Variants in BNC2 observed in about 807,000 individuals in gnomAD.
BNC2 encodes zinc finger protein basonuclin-2.
In BNC2, 20 loss-of-function variants were observed where a neutral mutation model predicts 76.3. The observed-to-expected ratio is 0.26, with a 90% CI of 0.18 to 0.38. BNC2 has a LOEUF of 0.38. Ranked by LOEUF, BNC2 falls within the 10% of genes least tolerant of loss-of-function variation. The pLI is 1.00. For missense variants in BNC2, 1,382 were observed against 1,399.8 expected (o/e 0.99, Z 0.20); for synonymous variants, 582 against 514.8 (o/e 1.13, Z -1.77).
chr9:16,648,216 T>C (rs1292270806), intron 3 of BNC2, among the ~76,000 whole-genome samples: 1 of 152,214 alleles, frequency 6.6e-6, no homozygotes, highest in East Asian at 1.9e-4. Context: ...GCAGATGCTA[T>C]GAAAAACGAA....
chr9:16,542,817 T>C (rs1157091946), intron 5 of BNC2, among the ~76,000 whole-genome samples: 1 of 152,214 alleles, frequency 6.6e-6, no homozygotes. Context: ...CCCATCTGTA[T>C]GAATTTAGCA....
intron 3 of BNC2, among the ~76,000 whole-genome samples, chr9:16,651,300 A>C (rs1821788030): frequency 6.6e-6 from 1 of 152,238 alleles, no homozygotes; most frequent in Non-Finnish European, 1.5e-5. Context: ...TCAGTAAAAG[A>C]AAAACAAGTA....
intron 6 of BNC2, among the ~76,000 whole-genome samples, chr9:16,420,375 G>A (rs895508248): frequency 6.6e-6 from 1 of 152,034 alleles, no homozygotes; most frequent in Non-Finnish European, 1.5e-5. Flanking sequence ...AGAAGTATGT[G>A]CATTTTAGTG....
In BNC2 at chr9:16,437,445, C is replaced by T. The variant is rs1490299295; in HGVS notation, c.749G>A (p.Arg250Gln). 6 of 1,612,806 alleles carry T rather than the reference C, an allele frequency of 3.7e-6. No homozygotes were observed. The highest frequency in any genetic ancestry group is 2.2e-5 in the South Asian group (2 of 90,944). The change falls in exon 6 of 7, where the codon CGG (arginine) becomes CAG (glutamine). Residue 250 changes from arginine (R) to glutamine (Q), a missense_variant. Transcript: ENST00000380672. The stretch of plus-strand genomic sequence containing the variant: ...CACAATGGATTTGGTTTCTCCAAAC[C>T]GCAGAAACTGCTGAAGGGTGATGAT... ...EEIITLQQFL[R>Q]FGETKSIVEL...
intron 1 of BNC2, among the ~76,000 whole-genome samples, chr9:16,802,659 C>T (rs1443702253): frequency 6.6e-6 from 1 of 152,138 alleles, no homozygotes; most frequent in African/African-American, 2.4e-5. Flanking sequence ...TAGCAAGACA[C>T]TTTTCAAGCC....
rs558001968 is a variant in BNC2, at chr9:16,753,008, T to A, written c.4-14523A>T. On this transcript the variant is annotated intron_variant, in intron 1 of 6. Transcript: ENST00000380672. ...CAGGATGTTTCCATGTCCCTCAACATCATATGAATATCCCAGGTCAAATAT... is the reference window on the plus strand; with the variant it reads ...CAGGATGTTTCCATGTCCCTCAACAACATATGAATATCCCAGGTCAAATAT... Among the ~76,000 whole-genome samples, 26 of 152,278 alleles carry A rather than the reference T, an allele frequency of 1.7e-4. No individual in the cohort carries two copies. The South Asian group carries it at 3.9e-3, about 23-fold the overall frequency.
chr9:16,693,668 G>C (rs886164855), intron 3 of BNC2, among the ~76,000 whole-genome samples: 2 of 152,174 alleles, frequency 1.3e-5, no homozygotes, highest in Non-Finnish European at 2.9e-5. Context: ...ACAATGGAGA[G>C]AAAGAAGAAG....
chr9:16,808,254 T>C (rs1230439868), intron 1 of BNC2, among the ~76,000 whole-genome samples: 5 of 152,150 alleles, frequency 3.3e-5, no homozygotes, highest in African/African-American at 1.2e-4. Context: ...AAATTATCTT[T>C]TGTTAGGCTA....
intron 3 of BNC2, among the ~76,000 whole-genome samples, chr9:16,634,834 C>G (rs542796825): frequency 1.3e-5 from 2 of 152,006 alleles, no homozygotes; most frequent in Non-Finnish European, 2.9e-5. Flanking sequence ...AAAGTCTGAG[C>G]CCAAGAAGCA....
chr9:16,714,549 CTG>C (rs1185037475), intron 3 of BNC2, among the ~76,000 whole-genome samples: 2 of 152,198 alleles, frequency 1.3e-5, no homozygotes, highest in Non-Finnish European at 2.9e-5. Flanking sequence ...CTAACACAAA[CTG>C]TTAATCTCTG....
chr9:16,611,851 T>A (rs1404977448), intron 3 of BNC2, among the ~76,000 whole-genome samples: 1 of 152,084 alleles, frequency 6.6e-6, no homozygotes. Flanking sequence ...AAAATTCATA[T>A]ACAAGTAAAT....
chr9:16,552,877 T>C, intron 4 of BNC2, 112 bp from the exon 5 acceptor site: 2 of 841,692 alleles, frequency 2.4e-6, no homozygotes, highest in East Asian at 2.6e-5. Flanking sequence ...TTTCTACACA[T>C]GAATGTTCGC....
intron 6 of BNC2, among the ~76,000 whole-genome samples, chr9:16,420,020 G>T (rs1563774906): frequency 6.6e-6 from 1 of 152,062 alleles, no homozygotes; most frequent in Admixed American, 6.5e-5. Flanking sequence ...TATTAAATAG[G>T]ATAAAAGAAT....
At chr9:16,575,787 C>T (rs950054548) in intron 4 of BNC2, among the ~76,000 whole-genome samples, 1 of 152,166 alleles carries the variant, frequency 6.6e-6, no homozygotes, top group Non-Finnish European at 1.5e-5. Context: ...AAGGACTTTG[C>T]TCATGGAGAG....
intron 3 of BNC2, 29 bp from the exon 4 acceptor site, chr9:16,583,114 A>G (rs752759162): frequency 6.4e-7 from 1 of 1,565,132 alleles, no homozygotes. Flanking sequence ...AAAAAAGGTC[A>G]GCATCTGTTC....
At chr9:16,618,531 G>A (rs559697870) in intron 3 of BNC2, among the ~76,000 whole-genome samples, 3 of 152,232 alleles carry the variant, frequency 2.0e-5, no homozygotes, top group South Asian at 4.1e-4. Context: ...AGCAAGATCT[G>A]TAAATTTCAT....
chr9:16,722,751 G>A (rs930070481), intron 3 of BNC2, among the ~76,000 whole-genome samples: 1 of 152,286 alleles, frequency 6.6e-6, no homozygotes, highest in Admixed American at 6.5e-5. Flanking sequence ...GTTTGTGCAT[G>A]CTTTACTTGC....
intron 3 of BNC2, among the ~76,000 whole-genome samples, chr9:16,601,385 T>C (rs191950348): frequency 9.9e-5 from 15 of 152,284 alleles, no homozygotes; most frequent in African/African-American, 2.6e-4. Context: ...CAGGGAACTG[T>C]GCTGAGATCT....
At chr9:16,831,403 C>G (rs1260735429) in intron 1 of BNC2, among the ~76,000 whole-genome samples, 1 of 152,212 alleles carries the variant, frequency 6.6e-6, no homozygotes, top group African/African-American at 2.4e-5. Context: ...ATTCAAAGAA[C>G]TGGAATATAT....
Sources: gnomAD v4.1 joint callset for allele counts (sites outside exome capture counted in the v4.1 genomes callset) on GRCh38, gnomAD v4.1.1 for gene constraint, MANE v1.5 for transcripts, NCBI Gene and HGNC (gene_info 2026-07-23, HGNC 2026-07-21) for gene names.